Variants in CCDC15 observed in about 807,000 individuals in gnomAD.
The protein encoded by CCDC15 is coiled-coil domain-containing protein 15.
A neutral mutation model predicts 114.5 loss-of-function variants in CCDC15; 105 were observed. That is an observed-to-expected ratio of 0.92 (90% CI 0.78 to 1.08). CCDC15 has a LOEUF of 1.08. Ranked by LOEUF, CCDC15 falls within the 50% of genes least tolerant of loss-of-function variation. CCDC15 has a pLI of 0.00. For synonymous variants in CCDC15, 334 were observed against 377.8 expected, an observed-to-expected ratio of 0.88 and a Z score of 1.34; for missense variants, 1,105 against 1,093.6, an observed-to-expected ratio of 1.01 and a Z score of -0.15.
At chr11:125,012,614 G>A (rs1948601128) in intron 13 of CCDC15, among the ~76,000 whole-genome samples, 1 of 152,142 alleles carries the variant, frequency 6.6e-6, no homozygotes, top group Non-Finnish European at 1.5e-5. Context: ...CACTTTAGTT[G>A]GGTTTGGGTG....
intron 6 of CCDC15, among the ~76,000 whole-genome samples, chr11:124,979,785 C>T (rs1476147588): frequency 6.6e-6 from 1 of 152,134 alleles, no homozygotes; most frequent in Non-Finnish European, 1.5e-5. Flanking sequence ...ATTGCTCTGG[C>T]TAGCACTTCT....
chr11:124,959,843 A>G lies in CCDC15; in HGVS notation c.356A>G (p.Gln119Arg), dbSNP rs1214532484. 6.2e-7 allele frequency: 1 copy of G among 1,602,482 alleles called. No homozygotes were observed. Among genetic ancestry groups the G allele is most frequent in the Non-Finnish European group, 8.5e-7 (1 of 1,173,868 alleles). ...CAAAAAGAAGGCTCCATAGCCATGC[A>G]GTCTTCAGCAACACACTTAACTTCC... ...RAQKEGSIAMQSSATHLTSKR... is the reference protein window; with the variant it reads ...RAQKEGSIAMRSSATHLTSKR... Residue 119 changes from glutamine (Q) to arginine (R), a missense_variant, in exon 4 of 16, where the codon CAG becomes CGG. By Grantham distance (43) the Gln-to-Arg change is conservative. Coordinates refer to ENST00000344762, the MANE Select transcript of CCDC15 (RefSeq NM_025004.3).
At chr11:124,977,355 C>A in intron 5 of CCDC15, 123 bp from the exon 6 acceptor site, 1 of 772,320 alleles carries the variant, frequency 1.3e-6, no homozygotes, top group Non-Finnish European at 1.9e-6. Context: ...TTTCCCTTTA[C>A]TGTGTATTAG....
chr11:125,002,992 C>T (rs537166700), intron 11 of CCDC15, among the ~76,000 whole-genome samples: 2 of 152,102 alleles, frequency 1.3e-5, no homozygotes, highest in South Asian at 4.2e-4. Flanking sequence ...GGAATGCTGC[C>T]ATCTTAACGA....
In CCDC15 at chr11:125,020,285, C is replaced by T. The variant is rs1358010646; in HGVS notation, c.2411+15073C>T. On this transcript the variant is annotated intron_variant, in intron 13 of 15. Coordinates refer to ENST00000344762, the MANE Select transcript of CCDC15 (RefSeq NM_025004.3). Reference sequence around the variant, plus strand: ...GTTTCTTAATCTTAGAAGCAGAAATCATTTTATCTGAAAGTCTTGGTGTTG... The same window carrying T: ...GTTTCTTAATCTTAGAAGCAGAAATTATTTTATCTGAAAGTCTTGGTGTTG... Among the ~76,000 whole-genome samples the T allele has an allele frequency of 4.6e-5, 7 of 152,004 alleles. No homozygotes were observed. The South Asian group carries it at 1.5e-3, about 32-fold the overall frequency.
At chr11:125,025,011 A>AAT (rs1187998491) in intron 13 of CCDC15, among the ~76,000 whole-genome samples, 2 of 138,966 alleles carry the variant, frequency 1.4e-5, no homozygotes, top group Non-Finnish European at 3.1e-5. Context: ...TATATATATG[A>AAT]ATATATATAT....
At chr11:125,006,110 A>G (rs1948549789) in intron 13 of CCDC15, among the ~76,000 whole-genome samples, 1 of 152,128 alleles carries the variant, frequency 6.6e-6, no homozygotes. Flanking sequence ...CATGTGGTAA[A>G]AATATATTTA....
intron 13 of CCDC15, among the ~76,000 whole-genome samples, chr11:125,016,713 A>G (rs1325033727): frequency 1.3e-5 from 2 of 152,196 alleles, no homozygotes; most frequent in African/African-American, 4.8e-5. Context: ...CATTCAGTTC[A>G]TTTGACTGAA....
At chr11:125,015,046 A>G (rs1483386245) in intron 13 of CCDC15, among the ~76,000 whole-genome samples, 1 of 152,172 alleles carries the variant, frequency 6.6e-6, no homozygotes, top group Non-Finnish European at 1.5e-5. Context: ...GCAATTAGGA[A>G]ATACTTTTGA....
chr11:125,033,810 T>C (rs1295011964), intron 13 of CCDC15, among the ~76,000 whole-genome samples: 1 of 152,214 alleles, frequency 6.6e-6, no homozygotes, highest in Non-Finnish European at 1.5e-5. Context: ...CCCTATTTAG[T>C]AGGCCCAAAT....
At position 124,963,514 on chromosome 11, in the gene CCDC15, G is replaced by T. The variant is rs183918618; in HGVS notation, c.516+3511G>T. 6.1e-3 allele frequency among the ~76,000 whole-genome samples: 926 copies of T among 152,152 alleles called. 12 individuals are homozygous for T. Among genetic ancestry groups the T allele is most frequent in the African/African-American group, 0.021 (884 of 41,528 alleles). ...GTTTGATTTTTTCTTGTAAATTTGT[G>T]TAAGTTCTTTGTAGATTCTGGATAT... On this transcript the variant is annotated intron_variant, in intron 4 of 15. Coordinates refer to ENST00000344762, the MANE Select transcript of CCDC15 (RefSeq NM_025004.3).
chr11:125,039,628 A>T (rs560927179), intron 15 of CCDC15: 1 of 152,364 alleles, frequency 6.6e-6, no homozygotes, highest in Admixed American at 6.5e-5. Flanking sequence ...GCCCTCATGT[A>T]TACACTAGGA....
At chr11:124,964,233 A>G (rs1488516501) in intron 4 of CCDC15, among the ~76,000 whole-genome samples, 1 of 152,214 alleles carries the variant, frequency 6.6e-6, no homozygotes, top group Admixed American at 6.5e-5. Context: ...TACCTTGGGC[A>G]GTATGGCCAT....
At chr11:124,973,507 G>T (rs1209554150) in intron 4 of CCDC15, among the ~76,000 whole-genome samples, 1 of 151,858 alleles carries the variant, frequency 6.6e-6, no homozygotes, top group East Asian at 1.9e-4. Flanking sequence ...GATTTCTCTG[G>T]ACAGAGTTAT....
At chr11:124,990,765 A>G (rs1222133735) in intron 8 of CCDC15, among the ~76,000 whole-genome samples, 2 of 152,200 alleles carry the variant, frequency 1.3e-5, no homozygotes, top group East Asian at 1.9e-4. Context: ...ATTGGGAGAA[A>G]TATTTCTGGC....
intron 11 of CCDC15, among the ~76,000 whole-genome samples, chr11:124,994,511 A>G (rs1948329484): frequency 6.6e-6 from 1 of 152,190 alleles, no homozygotes; most frequent in African/African-American, 2.4e-5. Context: ...ATGTATTTTT[A>G]TAAAAGGTAT....
Position 124,975,158 on chromosome 11 carries a change from A to G in CCDC15, c.579A>G (p.Lys193=). ...RLASFKTVIK[K]KGSVFPDDGR... is the part of the protein sequence containing the mutation. ...CATCCTTTAAAACCGTGATTAAAAAAAAGGGATCAGTGTTTCCAGATGATG... is the reference window on the plus strand; with the variant it reads ...CATCCTTTAAAACCGTGATTAAAAAGAAGGGATCAGTGTTTCCAGATGATG... The change falls in exon 5 of 16, where the codon AAA becomes AAG. Residue 193 remains lysine, a synonymous_variant. Coordinates refer to ENST00000344762, the MANE Select transcript of CCDC15 (RefSeq NM_025004.3). The G allele has an allele frequency of 6.2e-7, 1 of 1,606,740 alleles. No homozygotes were observed. Among genetic ancestry groups the G allele is most frequent in the Non-Finnish European group, 8.5e-7 (1 of 1,177,182 alleles).
At chr11:125,017,974 T>G (rs954226549) in intron 13 of CCDC15, among the ~76,000 whole-genome samples, 3 of 152,082 alleles carry the variant, frequency 2.0e-5, no homozygotes, top group Non-Finnish European at 4.4e-5. Flanking sequence ...AGTAAAAAAA[T>G]TCAGTTTATA....
At chr11:124,993,988 C>T (rs1948315879) in intron 11 of CCDC15, among the ~76,000 whole-genome samples, 1 of 152,064 alleles carries the variant, frequency 6.6e-6, no homozygotes, top group African/African-American at 2.4e-5. Flanking sequence ...GAGTTAAGAT[C>T]CAGAATGGTG....
Sources: allele counts gnomAD v4.1 joint callset (sites outside exome capture counted in the v4.1 genomes callset), GRCh38; gene constraint gnomAD v4.1.1; transcripts MANE v1.5; gene names NCBI Gene and HGNC (gene_info 2026-07-23, HGNC 2026-07-21).